IL19: variants seen among roughly 807,000 people sequenced by gnomAD.
IL19 encodes interleukin 19.
Under a neutral mutation model 19.5 loss-of-function variants are expected in IL19, and 15 were observed. The observed-to-expected ratio is 0.77, with a 90% CI of 0.52 to 1.19. The LOEUF is 1.19. Ranked by LOEUF, IL19 falls within the 50% of genes most tolerant of loss-of-function variation. The pLI is 0.00. For missense variants in IL19, 199 were observed against 213.1 expected (o/e 0.93, Z 0.41); for synonymous variants, 78 against 78.3 (o/e 1.00, Z 0.02).
At position 206,837,769 on chromosome 1, in the gene IL19, T is replaced by G. The variant is rs185063651; in HGVS notation, c.210+746T>G. Among the ~76,000 whole-genome samples, 8 of 152,288 alleles carry G rather than the reference T, an allele frequency of 5.3e-5. No homozygotes were observed. In the East Asian group the frequency reaches 1.5e-3, roughly 29 times the overall value. ...TGGGCGGCTGAGATGGGAGGATTGC[T>G]TGAGCCTGGGAGGTCAAAGCTGCAG... is the stretch of plus-strand genomic sequence containing the variant. On this transcript the variant is annotated intron_variant, in intron 4 of 6. Coordinates refer to ENST00000659997, the MANE Select transcript of IL19 (RefSeq NM_153758.5).
At chr1:206,776,960 G>C (rs549121968) in intron 1 of IL19, among the ~76,000 whole-genome samples, 2 of 149,706 alleles carry the variant, frequency 1.3e-5, no homozygotes, top group Non-Finnish European at 3.0e-5. Context: ...TGTCGGGCAC[G>C]GTGGCTCACG....
chr1:206,823,680 A>G (rs1015290136), intron 2 of IL19, among the ~76,000 whole-genome samples: 1 of 151,946 alleles, frequency 6.6e-6, no homozygotes, highest in South Asian at 2.1e-4. Flanking sequence ...TAATTTTTCC[A>G]TACCAAAGCA....
intron 2 of IL19, among the ~76,000 whole-genome samples, chr1:206,831,478 T>C (rs78889362): frequency 1.3e-5 from 2 of 152,312 alleles, no homozygotes; most frequent in East Asian, 3.9e-4. Context: ...ATATTCTTAT[T>C]TTTGATATTA....
chr1:206,811,298 G>A (rs2102467710), intron 2 of IL19, among the ~76,000 whole-genome samples: 1 of 152,100 alleles, frequency 6.6e-6, no homozygotes, highest in Admixed American at 6.5e-5. Context: ...AAAAAAATTA[G>A]CCAGGTGTGG....
intron 4 of IL19, 83 bp from the exon 5 acceptor site, chr1:206,839,767 C>A: frequency 8.3e-7 from 1 of 1,207,310 alleles, no homozygotes. Flanking sequence ...TCATGTGTCG[C>A]TGCCCCTACT....
At chr1:206,832,378 A>C (rs1676635936) in intron 2 of IL19, among the ~76,000 whole-genome samples, 3 of 152,226 alleles carry the variant, frequency 2.0e-5, no homozygotes, top group African/African-American at 7.2e-5. Context: ...CTATAGACCT[A>C]ATGCATTTCA....
Position 206,785,375 on chromosome 1 carries a change from A to T in IL19, c.-148-13486A>T, listed in dbSNP as rs77885937. Reference sequence around the variant, plus strand: ...TAACCGTGCTTGTGAGAAATCCTTTACGAAATCACCAGCAACTTCTAGAGA... The same window carrying T: ...TAACCGTGCTTGTGAGAAATCCTTTTCGAAATCACCAGCAACTTCTAGAGA... On this transcript the variant is annotated intron_variant, in intron 1 of 6. Coordinates refer to ENST00000659997, the MANE Select transcript of IL19 (RefSeq NM_153758.5). 3.8e-4 allele frequency among the ~76,000 whole-genome samples: 58 copies of T among 152,356 alleles called. 1 individual carries two copies. The South Asian group carries it at 9.5e-3, about 25-fold the overall frequency.
chr1:206,790,166 C>T (rs529587448), intron 1 of IL19, among the ~76,000 whole-genome samples: 5 of 152,272 alleles, frequency 3.3e-5, no homozygotes, highest in East Asian at 3.9e-4. Context: ...AGTGTATAAG[C>T]GTTCCCTTTT....
At position 206,771,079 on chromosome 1, in the gene IL19, G is replaced by T; in HGVS notation, c.-149+1G>T. 6.2e-7 allele frequency: 1 copy of T among 1,613,948 alleles called. No individual in the cohort carries two copies. The highest frequency in any genetic ancestry group is 8.5e-7 in the Non-Finnish European group (1 of 1,179,894). On this transcript the variant is annotated splice_donor_variant, in intron 1 of 6. Coordinates refer to ENST00000659997, the MANE Select transcript of IL19 (RefSeq NM_153758.5). LOFTEE classifies it low-confidence loss of function (5UTR_SPLICE). The stretch of plus-strand genomic sequence containing the variant: ...GTAACCCTAAGGGCAGGAGCCAAAG[G>T]TGAGTGAGAGATTGGCGGAGGTGGC...
At chr1:206,775,692 T>C (rs1441059899) in intron 1 of IL19, among the ~76,000 whole-genome samples, 1 of 152,224 alleles carries the variant, frequency 6.6e-6, no homozygotes, top group Admixed American at 6.5e-5. Flanking sequence ...CCTGTTCATC[T>C]GAAAAGTCAC....
chr1:206,772,131 C>T, intron 1 of IL19: 1 of 779,096 alleles, frequency 1.3e-6, no homozygotes, highest in Non-Finnish European at 2.2e-6. Flanking sequence ...ATCTAGGATT[C>T]TCTTAAGAAT....
intron 2 of IL19, among the ~76,000 whole-genome samples, chr1:206,801,712 G>A (rs1241501810): frequency 6.6e-6 from 1 of 152,220 alleles, no homozygotes; most frequent in African/African-American, 2.4e-5. Flanking sequence ...TTCCTTGGAG[G>A]ACAGTTATCT....
At chr1:206,800,278 C>T (rs939262570) in intron 2 of IL19, among the ~76,000 whole-genome samples, 4 of 152,346 alleles carry the variant, frequency 2.6e-5, no homozygotes, top group Non-Finnish European at 5.9e-5. Context: ...CTAAACTAGG[C>T]TTTCAGCTGG....
At chr1:206,801,791 T>A (rs1675714457) in intron 2 of IL19, among the ~76,000 whole-genome samples, 1 of 152,216 alleles carries the variant, frequency 6.6e-6, no homozygotes, top group Non-Finnish European at 1.5e-5. Flanking sequence ...ACCTTAATCA[T>A]CTCTATATCC....
intron 1 of IL19, among the ~76,000 whole-genome samples, chr1:206,792,481 G>C (rs189333771): frequency 1.3e-5 from 2 of 151,946 alleles, no homozygotes; most frequent in African/African-American, 2.4e-5. Context: ...TTCTGAGATG[G>C]AGTCTTGCTC....
At chr1:206,819,995 C>T (rs1039065995) in intron 2 of IL19, among the ~76,000 whole-genome samples, 3 of 152,174 alleles carry the variant, frequency 2.0e-5, no homozygotes, top group Non-Finnish European at 4.4e-5. Context: ...TGGGCCATCC[C>T]CCTTTCCTTC....
At chr1:206,776,299 A>C (rs190103512) in intron 1 of IL19, among the ~76,000 whole-genome samples, 2 of 152,202 alleles carry the variant, frequency 1.3e-5, no homozygotes, top group East Asian at 3.9e-4. Context: ...GAGAGATAGG[A>C]GGTGGTAAAG....
At chr1:206,781,414 C>CAA (rs57060549) in intron 1 of IL19, among the ~76,000 whole-genome samples, 508 of 42,610 alleles carry the variant, frequency 0.012, 11 homozygotes, top group African/African-American at 0.018. Context: ...GACTCTGTCT[C>CAA]AAAAAAAAAA....
At chr1:206,827,060 G>T (rs1676457180) in intron 2 of IL19, among the ~76,000 whole-genome samples, 1 of 152,206 alleles carries the variant, frequency 6.6e-6, no homozygotes, top group African/African-American at 2.4e-5. Context: ...ATGGGGGAAA[G>T]AAATAACAGG....
Sources: allele counts gnomAD v4.1 joint callset (sites outside exome capture counted in the v4.1 genomes callset), GRCh38; gene constraint gnomAD v4.1.1; transcripts MANE v1.5; gene names NCBI Gene and HGNC (gene_info 2026-07-23, HGNC 2026-07-21).